LARGE1: variants seen among roughly 807,000 people sequenced by gnomAD.
LARGE1 encodes LARGE xylosyl- and glucuronyltransferase 1.
A neutral mutation model predicts 87.6 loss-of-function variants in LARGE1; 43 were observed. That is an observed-to-expected ratio of 0.49 (90% CI 0.38 to 0.63). LARGE1 has a LOEUF of 0.63. Ranked by LOEUF, LARGE1 falls within the 30% of genes least tolerant of loss-of-function variation. The pLI, the probability that LARGE1 is intolerant of heterozygous loss-of-function variation, is 0.00. For synonymous variants in LARGE1, 434 were observed against 394.6 expected (o/e 1.10, Z -1.18); for missense variants, 802 against 1,000.2 (o/e 0.80, Z 2.67).
intron 2 of LARGE1, among the ~76,000 whole-genome samples, chr22:33,656,745 T>C (rs1470513986): frequency 6.6e-6 from 1 of 152,184 alleles, no homozygotes; most frequent in Non-Finnish European, 1.5e-5. Context: ...CAGCTTAAAA[T>C]GTCAAACAAG....
At chr22:33,504,223 CT>C (rs2070651758) in intron 6 of LARGE1, among the ~76,000 whole-genome samples, 1 of 152,162 alleles carries the variant, frequency 6.6e-6, no homozygotes. Flanking sequence ...TCTGAATATA[CT>C]AAAATCCCAT....
chr22:33,417,541 T>C (rs1297943888), intron 7 of LARGE1, among the ~76,000 whole-genome samples: 1 of 152,250 alleles, frequency 6.6e-6, no homozygotes, highest in Non-Finnish European at 1.5e-5. Context: ...TAGCTTTCTA[T>C]TGCAGCCATA....
At chr22:33,598,055 G>C (rs558914107) in intron 5 of LARGE1, among the ~76,000 whole-genome samples, 1 of 152,190 alleles carries the variant, frequency 6.6e-6, no homozygotes, top group South Asian at 2.1e-4. Flanking sequence ...GGTTCTTCAG[G>C]AACACCCAGA....
chr22:33,857,273 A>G (rs1321805008), intron 1 of LARGE1, among the ~76,000 whole-genome samples: 1 of 152,184 alleles, frequency 6.6e-6, no homozygotes, highest in African/African-American at 2.4e-5. Context: ...TGGCTCTTTT[A>G]TTCTAAGCTG....
intron 6 of LARGE1, among the ~76,000 whole-genome samples, chr22:33,466,055 C>T (rs1383796100): frequency 6.6e-6 from 1 of 152,134 alleles, no homozygotes; most frequent in Non-Finnish European, 1.5e-5. Context: ...CCAATATGTC[C>T]CCGCTCATTT....
intron 6 of LARGE1, among the ~76,000 whole-genome samples, chr22:33,458,518 G>T (rs1228948435): frequency 6.6e-6 from 1 of 151,684 alleles, no homozygotes; most frequent in South Asian, 2.1e-4. Context: ...CACAACCTCC[G>T]CTTCCCGGGT....
At chr22:33,248,604 T>G (rs1430632153) in intron 11 of LARGE1, among the ~76,000 whole-genome samples, 2 of 152,252 alleles carry the variant, frequency 1.3e-5, no homozygotes, top group Non-Finnish European at 2.9e-5. Flanking sequence ...TAGAGTTTAC[T>G]CTTGGTGTGG....
chr22:33,378,964 G>C lies in LARGE1; in HGVS notation c.1131+2955C>G, dbSNP rs367694335. Among the ~76,000 whole-genome samples the C allele has an allele frequency of 1.3e-4, 20 of 152,292 alleles. No homozygotes were observed. In the South Asian group the frequency reaches 3.7e-3, roughly 28 times the overall value. On this transcript the variant is annotated intron_variant, in intron 9 of 14. Transcript: ENST00000397394. ...GATGCAACTTGGGAACAGCCAGAGA[G>C]AAGAGGTACATAAGGCAAAATATGG...
intron 2 of LARGE1, among the ~76,000 whole-genome samples, chr22:33,657,382 TC>T (rs778231137): frequency 1.3e-5 from 2 of 152,192 alleles, no homozygotes; most frequent in Non-Finnish European, 2.9e-5. Flanking sequence ...AAACATCTCA[TC>T]CGAAGCCAAG....
chr22:33,610,673 C>T (rs544513505), intron 4 of LARGE1, among the ~76,000 whole-genome samples: 69 of 152,198 alleles, frequency 4.5e-4, no homozygotes, highest in African/African-American at 1.5e-3. Context: ...CCACAACTTG[C>T]TAGAGATATT....
At chr22:33,396,421 CTTT>C (rs2065741487) in intron 7 of LARGE1, among the ~76,000 whole-genome samples, 1 of 142,814 alleles carries the variant, frequency 7.0e-6, no homozygotes, top group African/African-American at 2.6e-5. Context: ...TTCCTGAAAG[CTTT>C]TTGAGAGAGA....
chr22:33,343,021 C>T (rs191426022), intron 9 of LARGE1, among the ~76,000 whole-genome samples: 131 of 151,592 alleles, frequency 8.6e-4, no homozygotes, highest in Non-Finnish European at 2.5e-4. Context: ...CGGTTTTCGC[C>T]ATTAAAAATT....
chr22:33,182,456 T>C (rs1923223135), intron 11 of LARGE1, among the ~76,000 whole-genome samples: 1 of 152,128 alleles, frequency 6.6e-6, no homozygotes, highest in South Asian at 2.1e-4. Context: ...TCAACAAGGA[T>C]GCCAAGACAA....
chr22:33,789,280 G>A (rs974815048), intron 1 of LARGE1, among the ~76,000 whole-genome samples: 10 of 152,222 alleles, frequency 6.6e-5, no homozygotes, highest in Non-Finnish European at 7.3e-5. Context: ...TGTTGGGCCT[G>A]GGGGTAAAGA....
intron 1 of LARGE1, among the ~76,000 whole-genome samples, chr22:33,862,559 T>C (rs1388241197): frequency 6.6e-6 from 1 of 152,154 alleles, no homozygotes; most frequent in Non-Finnish European, 1.5e-5. Context: ...TACCTGACAC[T>C]GTGACCGCCA....
At chr22:33,659,781 C>T (rs2081067913) in intron 2 of LARGE1, among the ~76,000 whole-genome samples, 1 of 147,664 alleles carries the variant, frequency 6.8e-6, no homozygotes, top group Non-Finnish European at 1.5e-5. Context: ...TCCTCACTAG[C>T]TTCTAAAAAG....
chr22:33,323,721 T>C (rs1214181866), intron 10 of LARGE1, among the ~76,000 whole-genome samples: 2 of 152,266 alleles, frequency 1.3e-5, no homozygotes. Flanking sequence ...ATGAATTTTA[T>C]TGGCTTCTTA....
At chr22:33,861,479 G>A (rs1361193371) in intron 1 of LARGE1, 1 of 152,188 alleles carries the variant, frequency 6.6e-6, no homozygotes, top group Non-Finnish European at 1.5e-5. Context: ...GTAGCATATT[G>A]CCATAGAACA....
chr22:33,776,918 G>A (rs1391240826), intron 1 of LARGE1, among the ~76,000 whole-genome samples: 1 of 152,122 alleles, frequency 6.6e-6, no homozygotes, highest in African/African-American at 2.4e-5. Context: ...GCTAGGCCAG[G>A]TCCAGGGCTG....
Sources: gnomAD v4.1 joint callset for allele counts (sites outside exome capture counted in the v4.1 genomes callset) on GRCh38, gnomAD v4.1.1 for gene constraint, MANE v1.5 for transcripts, NCBI Gene and HGNC (gene_info 2026-07-23, HGNC 2026-07-21) for gene names.